Variants in TRAF5 observed in about 807,000 individuals in gnomAD.
The protein encoded by TRAF5 is TNF receptor-associated factor 5.
Under a neutral mutation model 64.5 loss-of-function variants are expected in TRAF5, and 48 were observed. The ratio of observed to expected loss-of-function variants is 0.74; its 90% CI spans 0.59 to 0.95. TRAF5 has a LOEUF of 0.95. TRAF5 is among the 40% of genes least tolerant of loss of function. The probability of loss-of-function intolerance (pLI) is 0.00; values close to 1 mark genes in which losing one functional copy is unlikely to be tolerated. For missense variants in TRAF5, 545 were observed against 662.8 expected (o/e 0.82, Z 1.95); for synonymous variants, 206 against 240.5 (o/e 0.86, Z 1.33).
intron 1 of TRAF5, among the ~76,000 whole-genome samples, chr1:211,335,275 G>A (rs1367781355): frequency 1.3e-5 from 2 of 152,230 alleles, no homozygotes; most frequent in South Asian, 4.1e-4. Flanking sequence ...TTGGGTTCCC[G>A]ATCTGTAAAA....
rs1703590420 is a variant in TRAF5, at chr1:211,373,059, G to C, written c.*357G>C. On this transcript the variant is annotated 3_prime_UTR_variant, in exon 11 of 11. Coordinates refer to ENST00000261464, the MANE Select transcript of TRAF5 (RefSeq NM_001033910.3). ...AGGACACAGAGGTAGCAGAATCCCA[G>C]TTGAAAATGTTTTGATATTTTATTG... is the stretch of plus-strand genomic sequence containing the variant. 1 of 166,168 alleles carries C rather than the reference G, an allele frequency of 6.0e-6. No individual in the cohort carries two copies. The highest frequency in any genetic ancestry group is 2.4e-5 in the African/African-American group (1 of 41,764). The allele number at this position is 166,168 out of a possible 1,614,324, so 10.3% of individuals were successfully genotyped here.
chr1:211,355,686 A>AAATTCTTTTTATGT (rs1263618341), intron 3 of TRAF5, among the ~76,000 whole-genome samples: 5 of 152,190 alleles, frequency 3.3e-5, no homozygotes, highest in African/African-American at 4.8e-5. Context: ...GTAAGCTAAG[A>AAATTCTTTTTATGT]AATTCTTTTT....
intron 2 of TRAF5, chr1:211,353,765 CTG>C: frequency 4.8e-6 from 2 of 420,632 alleles, no homozygotes; most frequent in South Asian, 4.5e-5. Flanking sequence ...CTCACAATGT[CTG>C]TGTTGTAGTC....
At position 211,373,389 on chromosome 1, in the gene TRAF5, C is replaced by G. The variant is rs1034748641; in HGVS notation, c.*687C>G. 2.0e-5 allele frequency: 3 copies of G among 152,030 alleles called. No homozygotes were observed. Among genetic ancestry groups the G allele is most frequent in the African/African-American group, 7.3e-5 (3 of 41,362 alleles). 9.4% of individuals were successfully genotyped at this position (152,030 alleles called of 1,614,324 possible). On this transcript the variant is annotated 3_prime_UTR_variant, in exon 11 of 11. Transcript: ENST00000261464. ...TGCATAGTATATGAGATATAGCCAGCTAGCTAAAGTTCAGATTTTGTTAGG... is the reference window on the plus strand; with the variant it reads ...TGCATAGTATATGAGATATAGCCAGGTAGCTAAAGTTCAGATTTTGTTAGG...
At position 211,369,503 on chromosome 1, in the gene TRAF5, C is replaced by T. The variant is rs1218715322; in HGVS notation, c.841C>T (p.Leu281=). Residue 281 remains leucine, a synonymous_variant, in exon 9 of 11, where the codon CTA becomes TTA. Coordinates refer to ENST00000261464, the MANE Select transcript of TRAF5 (RefSeq NM_001033910.3). ...LEQKESKIQQ[L]AETIKKLEKE... is the part of the protein sequence containing the mutation. ...ACAGAAAGAAAGTAAAATCCAGCAG[C>T]TAGCAGAAACTATAAAGAAACTTGA... The T allele has an allele frequency of 6.2e-7, 1 of 1,611,202 alleles. No homozygotes were observed. The highest frequency in any genetic ancestry group is 1.7e-5 in the Admixed American group (1 of 59,458).
At chr1:211,361,017 T>C (rs1437708463) in intron 6 of TRAF5, 71 bp from the exon 7 acceptor site, 2 of 1,503,590 alleles carry the variant, frequency 1.3e-6, no homozygotes. Flanking sequence ...CAAGCCACTC[T>C]TGGCTCCCTG....
chr1:211,354,362 G>T, intron 2 of TRAF5, 48 bp from the exon 3 acceptor site: 2 of 1,589,936 alleles, frequency 1.3e-6, no homozygotes, highest in South Asian at 1.1e-5. Flanking sequence ...TGGAAATGCT[G>T]TTGAGGTAAA....
chr1:211,345,488 A>G (rs1702578728), intron 1 of TRAF5, among the ~76,000 whole-genome samples: 1 of 151,884 alleles, frequency 6.6e-6, no homozygotes, highest in African/African-American at 2.4e-5. Flanking sequence ...AGCATCTGGA[A>G]CCCACCGAGG....
At chr1:211,333,638 C>T (rs1168168861) in intron 1 of TRAF5, among the ~76,000 whole-genome samples, 3 of 152,152 alleles carry the variant, frequency 2.0e-5, no homozygotes, top group Admixed American at 6.5e-5. Flanking sequence ...GCTGAGATTA[C>T]AGGCACCCAC....
At chr1:211,342,040 G>A (rs1702461612) in intron 1 of TRAF5, among the ~76,000 whole-genome samples, 1 of 152,172 alleles carries the variant, frequency 6.6e-6, no homozygotes, top group African/African-American at 2.4e-5. Flanking sequence ...AGAGGGGTCA[G>A]CAAACTTCTT....
intron 1 of TRAF5, among the ~76,000 whole-genome samples, chr1:211,337,786 C>T (rs1164547624): frequency 1.3e-5 from 2 of 152,118 alleles, no homozygotes; most frequent in Non-Finnish European, 2.9e-5. Flanking sequence ...GTTTTTGGTC[C>T]AAGTGACGCT....
Position 211,327,993 on chromosome 1 carries a change from A to G in TRAF5, c.-2+1104A>G, listed in dbSNP as rs529830618. Among the ~76,000 whole-genome samples, 138 of 152,352 alleles carry G rather than the reference A, an allele frequency of 9.1e-4. 2 individuals carry two copies. The highest frequency in any genetic ancestry group is 3.2e-3 in the African/African-American group (134 of 41,584). ...GAATATGGTTATTTCCTCCAGAGAT[A>G]CTTGCATTTTAAAAGGGCTCTGGAA... On this transcript the variant is annotated intron_variant, in intron 1 of 10. Transcript: ENST00000261464.
At chr1:211,333,067 C>G (rs1226139979) in intron 1 of TRAF5, among the ~76,000 whole-genome samples, 1 of 152,242 alleles carries the variant, frequency 6.6e-6, no homozygotes, top group African/African-American at 2.4e-5. Context: ...CTGGATCTTC[C>G]TAACAAGTGG....
intron 1 of TRAF5, among the ~76,000 whole-genome samples, chr1:211,333,760 G>A (rs1702221305): frequency 6.6e-6 from 1 of 152,158 alleles, no homozygotes; most frequent in African/African-American, 2.4e-5. Context: ...GCCTCCCAAA[G>A]TGCTAGGATT....
At chr1:211,341,244 G>A (rs946524456) in intron 1 of TRAF5, among the ~76,000 whole-genome samples, 5 of 152,212 alleles carry the variant, frequency 3.3e-5, no homozygotes, top group African/African-American at 1.2e-4. Flanking sequence ...CCCTGCAGGA[G>A]TGGAATGCTG....
chr1:211,346,473 C>T, intron 1 of TRAF5: 1 of 979,730 alleles, frequency 1.0e-6, no homozygotes, highest in Non-Finnish European at 1.2e-6. Flanking sequence ...CCTTTTCACT[C>T]TGGGATTTTA....
chr1:211,327,270 C>G (rs1314692460), intron 1 of TRAF5, among the ~76,000 whole-genome samples: 1 of 152,148 alleles, frequency 6.6e-6, no homozygotes, highest in East Asian at 1.9e-4. Flanking sequence ...GCGGGGAGGA[C>G]TTTCAGGCAC....
chr1:211,332,173 G>A (rs555570796), intron 1 of TRAF5, among the ~76,000 whole-genome samples: 36 of 152,330 alleles, frequency 2.4e-4, no homozygotes, highest in African/African-American at 8.4e-4. Flanking sequence ...CTAGTTTTCA[G>A]GACTTGTGGG....
chr1:211,354,671 C>G (rs1702906527), intron 3 of TRAF5, among the ~76,000 whole-genome samples: 1 of 152,104 alleles, frequency 6.6e-6, no homozygotes, highest in African/African-American at 2.4e-5. Flanking sequence ...CACCCCTCCT[C>G]CACCCCAAGT....
Sources: allele counts gnomAD v4.1 joint callset (sites outside exome capture counted in the v4.1 genomes callset), GRCh38; gene constraint gnomAD v4.1.1; transcripts MANE v1.5; gene names NCBI Gene and HGNC (gene_info 2026-07-23, HGNC 2026-07-21).